THRB: variants seen among roughly 807,000 people sequenced by gnomAD.
THRB encodes the protein nuclear receptor subfamily 1 group A member 2.
Under a neutral mutation model 47.8 loss-of-function variants are expected in THRB, and 12 were observed. The ratio of observed to expected loss-of-function variants is 0.25; its 90% CI spans 0.16 to 0.41. The LOEUF is 0.41. THRB is among the 10% of genes least tolerant of loss of function. The pLI is 1.00. For missense variants in THRB, 348 were observed against 589.2 expected, an observed-to-expected ratio of 0.59 and a Z score of 4.24; for synonymous variants, 218 against 212.2, an observed-to-expected ratio of 1.03 and a Z score of -0.24.
chr3:24,333,527 A>G (rs991860679), intron 2 of THRB, among the ~76,000 whole-genome samples: 2 of 152,212 alleles, frequency 1.3e-5, no homozygotes, highest in African/African-American at 4.8e-5. Flanking sequence ...AAACTCTTAC[A>G]TTGTGTAATT....
intron 3 of THRB, among the ~76,000 whole-genome samples, chr3:24,255,997 CAAG>C (rs989633010): frequency 5.3e-5 from 8 of 152,182 alleles, no homozygotes; most frequent in African/African-American, 1.9e-4. Flanking sequence ...GCAGCTAGAG[CAAG>C]AAGAGGAGCA....
At chr3:24,443,318 A>G (rs908982538) in intron 1 of THRB, among the ~76,000 whole-genome samples, 7 of 152,346 alleles carry the variant, frequency 4.6e-5, no homozygotes, top group South Asian at 2.1e-4. Flanking sequence ...AGAAACAACA[A>G]CAGCAAAAAT....
chr3:24,418,250 A>C (rs545663577), intron 1 of THRB, among the ~76,000 whole-genome samples: 1 of 151,650 alleles, frequency 6.6e-6, no homozygotes, highest in Non-Finnish European at 1.5e-5. Context: ...AGGGATTAAA[A>C]AAAAAAAAAC....
chr3:24,476,469 A>C (rs1233316686), intron 1 of THRB, among the ~76,000 whole-genome samples: 3 of 152,252 alleles, frequency 2.0e-5, no homozygotes, highest in Non-Finnish European at 2.9e-5. Context: ...AACTGAAACA[A>C]AAAAATTAAA....
At chr3:24,261,250 C>A (rs1231818466) in intron 3 of THRB, among the ~76,000 whole-genome samples, 5 of 131,148 alleles carry the variant, frequency 3.8e-5, no homozygotes, top group Non-Finnish European at 8.0e-5. Context: ...CGCCTGTAAT[C>A]TCAGTACTTT....
intron 1 of THRB, chr3:24,459,129 C>G (rs540006608): frequency 6.6e-6 from 1 of 152,182 alleles, no homozygotes; most frequent in South Asian, 2.1e-4. Flanking sequence ...CCCCAACAGG[C>G]CCGGGTGTGT....
chr3:24,258,018 G>C (rs756991699), intron 3 of THRB, among the ~76,000 whole-genome samples: 2 of 152,172 alleles, frequency 1.3e-5, no homozygotes, highest in African/African-American at 4.8e-5. Flanking sequence ...AGTTTTCTGA[G>C]ATCAAATTGG....
Position 24,289,898 on chromosome 3 carries a change from T to C in THRB, c.-43+7328A>G, listed in dbSNP as rs2055744261. Reference sequence around the variant, plus strand: ...TGACAAACCTAAAATCTCTTCACCTTTACTTATAGATTCCCCCATCCCCAG... The same window carrying C: ...TGACAAACCTAAAATCTCTTCACCTCTACTTATAGATTCCCCCATCCCCAG... On this transcript the variant is annotated intron_variant, in intron 3 of 10. Transcript: ENST00000646209. Among the ~76,000 whole-genome samples the C allele has an allele frequency of 2.6e-5, 4 of 152,304 alleles. No homozygotes were observed. In the South Asian group the frequency reaches 6.2e-4, roughly 24 times the overall value.
At chr3:24,452,149 C>T (rs73034493) in intron 1 of THRB, among the ~76,000 whole-genome samples, 6,614 of 152,262 alleles carry the variant, frequency 0.043, 189 homozygotes, top group Non-Finnish European at 0.064. Flanking sequence ...CACCAAATGA[C>T]AGATCTTGAG....
intron 3 of THRB, among the ~76,000 whole-genome samples, chr3:24,229,380 C>T (rs1475182254): frequency 2.0e-5 from 3 of 152,116 alleles, no homozygotes; most frequent in Admixed American, 6.5e-5. Flanking sequence ...CCAGCAGTCT[C>T]GACATTGCCT....
At chr3:24,431,544 G>C (rs2070423483) in intron 1 of THRB, among the ~76,000 whole-genome samples, 1 of 152,108 alleles carries the variant, frequency 6.6e-6, no homozygotes, top group Admixed American at 6.6e-5. Flanking sequence ...TTCTTGGAGG[G>C]AGTGTTGACC....
In THRB at chr3:24,188,851, C is replaced by A. The variant is rs548708350; in HGVS notation, c.283+1223G>T. On this transcript the variant is annotated intron_variant, in intron 5 of 10. Coordinates refer to ENST00000646209, the MANE Select transcript of THRB (RefSeq NM_001354712.2). Reference sequence around the variant, plus strand: ...ATATAGCCCTTTCAATTTCTCAGATCTCCTCAAATATATATATATATATAT... The same window carrying A: ...ATATAGCCCTTTCAATTTCTCAGATATCCTCAAATATATATATATATATAT... Among the ~76,000 whole-genome samples the A allele has an allele frequency of 4.8e-4, 36 of 74,546 alleles. 1 individual carries two copies. In the South Asian group the frequency reaches 0.012, roughly 25 times the overall value. 48.9% of individuals were successfully genotyped at this position (74,546 alleles called of 152,430 possible). A position where few individuals can be genotyped will look rare whatever the true frequency, so the allele number is the denominator to read the frequency against.
chr3:24,169,865 C>T (rs374828424), intron 5 of THRB, among the ~76,000 whole-genome samples: 1 of 151,540 alleles, frequency 6.6e-6, no homozygotes, highest in South Asian at 2.1e-4. Flanking sequence ...CCTGTGGCTG[C>T]TTTTGTGCTA....
Position 24,374,709 on chromosome 3 carries a change from G to C in THRB, c.-260-37338C>G, listed in dbSNP as rs2065152693. Among the ~76,000 whole-genome samples, 4 of 152,000 alleles carry C rather than the reference G, an allele frequency of 2.6e-5. No homozygotes were observed. The South Asian group carries it at 8.3e-4, about 32-fold the overall frequency. On this transcript the variant is annotated intron_variant, in intron 1 of 10. Transcript: ENST00000646209. ...GATTTTGATGAAGATATAAAGTGAGGCTAAAATTTAGTTTTGGGCTTATCA... is the reference window on the plus strand; with the variant it reads ...GATTTTGATGAAGATATAAAGTGAGCCTAAAATTTAGTTTTGGGCTTATCA...
At chr3:24,151,293 G>T (rs1277970786) in intron 6 of THRB, among the ~76,000 whole-genome samples, 1 of 152,166 alleles carries the variant, frequency 6.6e-6, no homozygotes, top group Non-Finnish European at 1.5e-5. Context: ...CTAGGGAAAA[G>T]GAAAACACCT....
intron 4 of THRB, among the ~76,000 whole-genome samples, chr3:24,209,627 A>G (rs1225634657): frequency 6.6e-6 from 1 of 152,224 alleles, no homozygotes; most frequent in Non-Finnish European, 1.5e-5. Context: ...TTGAACAATG[A>G]GTACACTCGG....
At chr3:24,137,895 T>A (rs577516680) in intron 8 of THRB, among the ~76,000 whole-genome samples, 4 of 152,026 alleles carry the variant, frequency 2.6e-5, no homozygotes, top group Non-Finnish European at 5.9e-5. Context: ...CCTAGAGAAT[T>A]ACAGTTGTAT....
chr3:24,164,270 T>C (rs1221765982), intron 5 of THRB, among the ~76,000 whole-genome samples: 1 of 152,220 alleles, frequency 6.6e-6, no homozygotes, highest in African/African-American at 2.4e-5. Context: ...AATAGCATTA[T>C]AAAGCCACAG....
At chr3:24,393,657 C>T (rs2066743405) in intron 1 of THRB, among the ~76,000 whole-genome samples, 1 of 152,120 alleles carries the variant, frequency 6.6e-6, no homozygotes, top group African/African-American at 2.4e-5. Context: ...CTGTTTTAAA[C>T]AGCTGGGTAC....
Sources: allele counts gnomAD v4.1 joint callset (sites outside exome capture counted in the v4.1 genomes callset), GRCh38; gene constraint gnomAD v4.1.1; transcripts MANE v1.5; gene names NCBI Gene and HGNC (gene_info 2026-07-23, HGNC 2026-07-21).